The following PLPPR1 variants were observed in gnomAD, a reference collection of about 807,000 sequenced individuals.
PLPPR1 encodes the protein phospholipid phosphatase related 1, also known as phospholipid phosphatase-related protein type 1.
PLPPR1 carries 10 observed loss-of-function variants against 33.1 expected under a neutral mutation model. The observed-to-expected ratio is 0.30, with a 90% CI of 0.19 to 0.51. The LOEUF (loss-of-function observed/expected upper bound fraction) is 0.51. Among genes scored for constraint, PLPPR1 ranks in the 20% least tolerant of loss-of-function variants. PLPPR1 has a pLI of 0.97. For missense variants in PLPPR1, 304 were observed against 408.1 expected (o/e 0.74, Z 2.20); for synonymous variants, 151 against 151.0 (o/e 1.00, Z 0.00).
At chr9:101,133,693 C>T (rs192845008) in intron 1 of PLPPR1, among the ~76,000 whole-genome samples, 11 of 151,904 alleles carry the variant, frequency 7.2e-5, no homozygotes, top group Non-Finnish European at 1.6e-4. Context: ...GCTTAAAGAA[C>T]ATCCTCCTTC....
chr9:101,239,085 G>GTA (rs1165113964), intron 2 of PLPPR1, among the ~76,000 whole-genome samples: 3 of 148,494 alleles, frequency 2.0e-5, no homozygotes, highest in Non-Finnish European at 4.5e-5. Flanking sequence ...GTGTGTGTGT[G>GTA]TGTACATATA....
chr9:101,053,188 C>T lies in PLPPR1; in HGVS notation c.-46+24086C>T, dbSNP rs1830244445. Among the ~76,000 whole-genome samples the T allele has an allele frequency of 2.0e-5, 3 of 152,112 alleles. 1 individual carries two copies. Among genetic ancestry groups the T allele is most frequent in the African/African-American group, 7.2e-5 (3 of 41,430 alleles). On this transcript the variant is annotated intron_variant, in intron 1 of 7. Transcript: ENST00000374874. ...CCCTCACAAAAAATGCCTACGCTTC[C>T]CATTTCAGTTAATGGGGCCACCATT...
intron 1 of PLPPR1, among the ~76,000 whole-genome samples, chr9:101,050,960 A>C (rs576500060): frequency 1.3e-5 from 2 of 152,182 alleles, no homozygotes; most frequent in East Asian, 3.9e-4. Flanking sequence ...TGTTTCATCC[A>C]AACTCTACTG....
intron 1 of PLPPR1, among the ~76,000 whole-genome samples, chr9:101,029,794 TCTC>T (rs1216663873): frequency 2.0e-5 from 3 of 152,060 alleles, no homozygotes; most frequent in African/African-American, 7.2e-5. Flanking sequence ...CGCTAGGATC[TCTC>T]CTCCTCAGGG....
Position 101,321,116 on chromosome 9 carries a change from T to C in PLPPR1, c.946-2909T>C, listed in dbSNP as rs146817951. On this transcript the variant is annotated intron_variant, in intron 7 of 7. Transcript: ENST00000374874. ...TTAGAAACGGCATCTTTGTAATTTT[T>C]GGAACAGAACCATCTTCCCAGCATG... is the stretch of plus-strand genomic sequence containing the variant. Among the ~76,000 whole-genome samples the C allele has an allele frequency of 7.5e-4, 114 of 152,334 alleles. 3 individuals are homozygous for C. In the East Asian group the frequency reaches 0.016, roughly 21 times the overall value.
intron 4 of PLPPR1, among the ~76,000 whole-genome samples, chr9:101,295,551 ATAC>A (rs1564029958): frequency 6.6e-6 from 1 of 151,754 alleles, no homozygotes; most frequent in Non-Finnish European, 1.5e-5. Context: ...ACTTCAAACT[ATAC>A]TACAAGGCTA....
intron 3 of PLPPR1, among the ~76,000 whole-genome samples, chr9:101,272,604 G>C (rs961135528): frequency 6.6e-6 from 1 of 152,118 alleles, no homozygotes; most frequent in African/African-American, 2.4e-5. Flanking sequence ...TACTTAAAAA[G>C]ATGAGCTTCC....
Position 101,059,058 on chromosome 9 carries a change from C to T in PLPPR1, c.-46+29956C>T, listed in dbSNP as rs770203731. Among the ~76,000 whole-genome samples, 215 of 152,188 alleles carry T rather than the reference C, an allele frequency of 1.4e-3. 6 individuals carry two copies. The highest frequency in any genetic ancestry group is 2.4e-4 in the Non-Finnish European group (16 of 67,990). On this transcript the variant is annotated intron_variant, in intron 1 of 7. Transcript: ENST00000374874. ...GATTTTGTGATTATCTGTGAAATAA[C>T]TTTTTGGTCTGTTTTTTACCAGCAA...
intron 1 of PLPPR1, among the ~76,000 whole-genome samples, chr9:101,159,689 G>A (rs1032011886): frequency 8.5e-5 from 13 of 152,172 alleles, no homozygotes; most frequent in Non-Finnish European, 1.6e-4. Flanking sequence ...CAGAACTGGA[G>A]TGCAAAAGCA....
At chr9:101,297,401 T>C (rs913105821) in intron 4 of PLPPR1, among the ~76,000 whole-genome samples, 7 of 152,144 alleles carry the variant, frequency 4.6e-5, no homozygotes, top group African/African-American at 1.7e-4. Context: ...CAGATCCAAA[T>C]TAAGTTTTAA....
intron 2 of PLPPR1, among the ~76,000 whole-genome samples, chr9:101,189,350 A>G (rs1261156379): frequency 6.6e-6 from 1 of 152,136 alleles, no homozygotes; most frequent in Non-Finnish European, 1.5e-5. Context: ...ATGGAGACCA[A>G]AATTTTATCA....
At position 101,219,733 on chromosome 9, in the gene PLPPR1, T is replaced by C. The variant is rs371438048; in HGVS notation, c.63+34176T>C. ...ATACCCACCTGGACAGTATTTATCC[T>C]CTTGTTGCTATCCTGCGATCAGTTC... On this transcript the variant is annotated intron_variant, in intron 2 of 7. Coordinates refer to ENST00000374874, the MANE Select transcript of PLPPR1 (RefSeq NM_207299.2). Among the ~76,000 whole-genome samples, 38 of 152,314 alleles carry C rather than the reference T, an allele frequency of 2.5e-4. 1 individual carries two copies. In the South Asian group the frequency reaches 3.1e-3, roughly 12 times the overall value.
intron 2 of PLPPR1, among the ~76,000 whole-genome samples, chr9:101,198,142 T>G (rs1024828221): frequency 1.3e-5 from 2 of 152,240 alleles, no homozygotes; most frequent in African/African-American, 4.8e-5. Context: ...CTATATTTTC[T>G]ACATATACTT....
At chr9:101,231,206 C>T (rs1827177382) in intron 2 of PLPPR1, among the ~76,000 whole-genome samples, 1 of 151,740 alleles carries the variant, frequency 6.6e-6, no homozygotes, top group Non-Finnish European at 1.5e-5. Flanking sequence ...ACAACCCCTA[C>T]ACCATGCCCA....
chr9:101,055,009 G>T (rs554927803), intron 1 of PLPPR1, among the ~76,000 whole-genome samples: 1 of 152,220 alleles, frequency 6.6e-6, no homozygotes, highest in South Asian at 2.1e-4. Context: ...TAAGCGAAAG[G>T]CTCCATGTGG....
chr9:101,199,732 G>A (rs907576189), intron 2 of PLPPR1, among the ~76,000 whole-genome samples: 3 of 152,142 alleles, frequency 2.0e-5, no homozygotes, highest in Non-Finnish European at 4.4e-5. Context: ...TATCTCTGAG[G>A]TACTAGTTAG....
At chr9:101,291,283 G>C (rs576379820) in intron 4 of PLPPR1, among the ~76,000 whole-genome samples, 1 of 152,344 alleles carries the variant, frequency 6.6e-6, no homozygotes, top group South Asian at 2.1e-4. Context: ...CAAAGCAGCC[G>C]GGAAGCTCGA....
chr9:101,215,800 G>A (rs1301871882), intron 2 of PLPPR1, among the ~76,000 whole-genome samples: 1 of 150,404 alleles, frequency 6.6e-6, no homozygotes, highest in Admixed American at 6.8e-5. Context: ...TTCCATGCAT[G>A]TTGTTGAAAA....
chr9:101,134,120 A>G (rs1831349243), intron 1 of PLPPR1, among the ~76,000 whole-genome samples: 1 of 152,194 alleles, frequency 6.6e-6, no homozygotes, highest in Admixed American at 6.5e-5. Flanking sequence ...TTGGAGTTCT[A>G]GGAAATGTTC....
Sources: gnomAD v4.1 joint callset for allele counts (sites outside exome capture counted in the v4.1 genomes callset) on GRCh38, gnomAD v4.1.1 for gene constraint, MANE v1.5 for transcripts, NCBI Gene and HGNC (gene_info 2026-07-23, HGNC 2026-07-21) for gene names.